Variants in SLC8A1 observed in about 807,000 individuals in gnomAD.
SLC8A1 encodes solute carrier family 8 member A1.
SLC8A1 carries 18 observed loss-of-function variants against 68.3 expected under a neutral mutation model. The ratio of observed to expected loss-of-function variants is 0.26; its 90% CI spans 0.18 to 0.39. SLC8A1 has a LOEUF of 0.39. Ranked by LOEUF, SLC8A1 falls within the 10% of genes least tolerant of loss-of-function variation. SLC8A1 has a pLI of 1.00. For synonymous variants in SLC8A1, 475 were observed against 415.5 expected (o/e 1.14, Z -1.74); for missense variants, 985 against 1,156.7 (o/e 0.85, Z 2.15).
At chr2:40,172,090 G>A (rs1378036784) in intron 4 of SLC8A1, among the ~76,000 whole-genome samples, 2 of 152,210 alleles carry the variant, frequency 1.3e-5, no homozygotes, top group Non-Finnish European at 2.9e-5. Flanking sequence ...TCTTCTTACT[G>A]CCCCTGCATC....
At chr2:40,175,138 C>A in intron 3 of SLC8A1, 123 bp downstream of exon 4, 1 of 1,000,754 alleles carries the variant, frequency 1.0e-6, no homozygotes, top group Non-Finnish European at 1.5e-6. Context: ...GGTCAATGGC[C>A]CTAAACAACA....
At chr2:40,170,725 C>T (rs901731817) in intron 4 of SLC8A1, among the ~76,000 whole-genome samples, 4 of 152,086 alleles carry the variant, frequency 2.6e-5, no homozygotes, top group African/African-American at 9.7e-5. Flanking sequence ...TGGCAGGTGT[C>T]GTGGTTGGCA....
intron 7 of SLC8A1, among the ~76,000 whole-genome samples, chr2:40,138,427 C>T (rs2040930642): frequency 6.6e-6 from 1 of 152,174 alleles, no homozygotes; most frequent in African/African-American, 2.4e-5. Flanking sequence ...CCTGCCTTTT[C>T]CCAAGTCTAC....
chr2:40,171,372 T>C (rs406880), intron 4 of SLC8A1, among the ~76,000 whole-genome samples: 16,304 of 152,186 alleles, frequency 0.11, 998 homozygotes, highest in Middle Eastern at 0.21. Context: ...ACTGACTGAT[T>C]TTTAATTAGA....
At chr2:40,102,887 T>C (rs2033980610) in exon 8 of SLC8A1, 1 of 152,194 alleles carries the variant, frequency 6.6e-6, no homozygotes, top group African/African-American at 2.4e-5. Flanking sequence ...TAGCTCTATA[T>C]AGAAATTTAT....
chr2:40,315,579 G>T (rs114367583), intron 2 of SLC8A1, among the ~76,000 whole-genome samples: 2,309 of 151,806 alleles, frequency 0.015, 58 homozygotes, highest in African/African-American at 0.053. Flanking sequence ...AAGTTGGTAT[G>T]TAACTTAAAA....
At chr2:40,384,865 C>G (rs1683062753) in intron 2 of SLC8A1, among the ~76,000 whole-genome samples, 1 of 151,990 alleles carries the variant, frequency 6.6e-6, no homozygotes, top group Admixed American at 6.6e-5. Flanking sequence ...TCAGATGAGT[C>G]AAGGCTTTAC....
intron 5 of SLC8A1, 128 bp from the exon 9 acceptor site, chr2:40,160,992 A>G: frequency 4.6e-6 from 3 of 650,882 alleles, no homozygotes; most frequent in Non-Finnish European, 8.2e-6. Flanking sequence ...AAACAACAGT[A>G]TTGACATCAA....
chr2:40,353,398 T>G (rs1671710352), intron 2 of SLC8A1, among the ~76,000 whole-genome samples: 1 of 152,002 alleles, frequency 6.6e-6, no homozygotes, highest in Admixed American at 6.6e-5. Flanking sequence ...TCTGTGACCC[T>G]CTCCTGTTCT....
chr2:40,407,442 C>G (rs999313899), intron 2 of SLC8A1, among the ~76,000 whole-genome samples: 1 of 152,212 alleles, frequency 6.6e-6, no homozygotes, highest in African/African-American at 2.4e-5. Context: ...ACTTCCTTCA[C>G]TTCTTCAAAC....
chr2:40,457,661 C>T (rs1224709178), intron 1 of SLC8A1, among the ~76,000 whole-genome samples: 1 of 152,166 alleles, frequency 6.6e-6, no homozygotes, highest in East Asian at 1.9e-4. Context: ...CCTTAGTAAT[C>T]ACAAACAAGT....
At chr2:40,203,592 T>C (rs1395758068) in intron 2 of SLC8A1, among the ~76,000 whole-genome samples, 2 of 152,074 alleles carry the variant, frequency 1.3e-5, no homozygotes, top group East Asian at 3.9e-4. Context: ...GCCAAAAATA[T>C]ATAATTCTGA....
chr2:40,358,066 A>G (rs2149469564), intron 2 of SLC8A1, among the ~76,000 whole-genome samples: 1 of 151,516 alleles, frequency 6.6e-6, no homozygotes, highest in East Asian at 1.9e-4. Flanking sequence ...AAAAAAAAAA[A>G]AAAAAGGTGG....
chr2:40,409,371 C>G (rs1361362675), intron 2 of SLC8A1, among the ~76,000 whole-genome samples: 1 of 151,946 alleles, frequency 6.6e-6, no homozygotes, highest in Admixed American at 6.6e-5. Flanking sequence ...TGCATTATGG[C>G]CAAAAGATAA....
At chr2:40,237,205 A>G (rs1158744831) in intron 2 of SLC8A1, among the ~76,000 whole-genome samples, 2 of 152,112 alleles carry the variant, frequency 1.3e-5, no homozygotes, top group Non-Finnish European at 2.9e-5. Context: ...CTTGTTTTCC[A>G]ACTTGGTTCC....
At chr2:40,401,952 T>C (rs544640556) in intron 2 of SLC8A1, among the ~76,000 whole-genome samples, 1 of 152,318 alleles carries the variant, frequency 6.6e-6, no homozygotes, top group South Asian at 2.1e-4. Context: ...TCTAATTTTC[T>C]AACTTTAAGT....
intron 2 of SLC8A1, among the ~76,000 whole-genome samples, chr2:40,268,182 T>C (rs1046794355): frequency 1.3e-5 from 2 of 152,102 alleles, no homozygotes. Context: ...GTGTGTGTGT[T>C]TGTGTGTTTC....
At chr2:40,269,811 T>G (rs1335375539) in intron 2 of SLC8A1, among the ~76,000 whole-genome samples, 2 of 152,070 alleles carry the variant, frequency 1.3e-5, no homozygotes, top group Non-Finnish European at 2.9e-5. Flanking sequence ...TTATTATTAT[T>G]ATACTTTAAG....
chr2:40,212,121 G>A (rs2056687431), intron 2 of SLC8A1, among the ~76,000 whole-genome samples: 1 of 152,050 alleles, frequency 6.6e-6, no homozygotes, highest in African/African-American at 2.4e-5. Flanking sequence ...GCAATGAAGA[G>A]AGGAAGAGGA....
Sources: allele counts gnomAD v4.1 joint callset (sites outside exome capture counted in the v4.1 genomes callset), GRCh38; gene constraint gnomAD v4.1.1; transcripts MANE v1.5; gene names NCBI Gene and HGNC (gene_info 2026-07-23, HGNC 2026-07-21).